The following CACNA1H variants were observed in gnomAD, a reference collection of about 807,000 sequenced individuals.
CACNA1H encodes the protein voltage-dependent T-type calcium channel subunit alpha-1H.
A neutral mutation model predicts 192.5 loss-of-function variants in CACNA1H; 149 were observed. That is an observed-to-expected ratio of 0.77 (90% CI 0.68 to 0.89). The LOEUF is 0.89. CACNA1H is among the 40% of genes least tolerant of loss of function. The pLI, the probability that CACNA1H is intolerant of heterozygous loss-of-function variation, is 0.00. For synonymous variants in CACNA1H, 2,202 were observed against 1,475.2 expected, an observed-to-expected ratio of 1.49 and a Z score of -11.29; for missense variants, 4,257 against 3,423.5, an observed-to-expected ratio of 1.24 and a Z score of -6.08.
chr16:1,215,210 C>G, intron 28 of CACNA1H, 32 bp from the exon 29 acceptor site: 1 of 1,589,966 alleles, frequency 6.3e-7, no homozygotes, highest in Non-Finnish European at 8.6e-7. Context: ...GCGGGGACCC[C>G]AGACGTGTGC....
At chr16:1,181,960 A>G (rs1434202459) in intron 2 of CACNA1H, among the ~76,000 whole-genome samples, 1 of 149,620 alleles carries the variant, frequency 6.7e-6, no homozygotes, top group African/African-American at 2.5e-5. Flanking sequence ...TCGCACACGC[A>G]TGCCCCCTCG....
At position 1,210,379 on chromosome 16, in the gene CACNA1H, C is replaced by T. The variant is rs370662005; in HGVS notation, c.3855C>T (p.Val1285=). The change falls in exon 19 of 35, where the codon GTC becomes GTT. Residue 1285 remains valine, a synonymous_variant. Transcript: ENST00000348261. ...YLFSPQNRFR[V]SCQKVITHKM... ...GCCCCCGCCCACCCAGGTTCCGCGT[C>T]TCCTGCCAGAAGGTCATCACACACA... The T allele has an allele frequency of 3.5e-6, 5 of 1,417,116 alleles. No individual in the cohort carries two copies. The African/African-American group carries it at 4.3e-5, about 12-fold the overall frequency. The allele number at this position is 1,417,116 out of a possible 1,614,324, so 87.8% of individuals were successfully genotyped here.
intron 2 of CACNA1H, among the ~76,000 whole-genome samples, chr16:1,156,620 C>T (rs1354564189): frequency 2.0e-5 from 3 of 152,126 alleles, no homozygotes; most frequent in Non-Finnish European, 2.9e-5. Context: ...CCCCTCCCTC[C>T]GCAGGGCCCC....
At chr16:1,213,174 C>T (rs905154142) in intron 26 of CACNA1H, among the ~76,000 whole-genome samples, 1 of 152,232 alleles carries the variant, frequency 6.6e-6, no homozygotes, top group Non-Finnish European at 1.5e-5. Flanking sequence ...CCCATGGCCC[C>T]TTGGAGGATG....
Position 1,202,410 on chromosome 16 carries a change from C to T in CACNA1H, c.1960C>T (p.Pro654Ser), listed in dbSNP as rs758845819. ...GGHGPLSLNS[P>S]DPYEKIPHVV... ...GCACGGCCCGTTGAGCTTGAACAGC[C>T]CTGATCCCTACGAGAAGATCCCGCA... The change falls in exon 9 of 35, where the codon CCT becomes TCT. Residue 654 changes from proline to serine, a missense_variant. By Grantham distance (74) the Pro-to-Ser change is moderately conservative. Coordinates refer to ENST00000348261, the MANE Select transcript of CACNA1H (RefSeq NM_021098.3). 9 of 1,529,022 alleles carry T rather than the reference C, an allele frequency of 5.9e-6. No homozygotes were observed. The highest frequency in any genetic ancestry group is 1.4e-5 in the African/African-American group (1 of 72,694). 94.7% of individuals were successfully genotyped at this position (1,529,022 alleles called of 1,614,324 possible).
rs1232614013 is a variant in CACNA1H at position 1,200,776 on chromosome 16, T to A, written c.1180T>A (p.Tyr394Asn). Residue 394 changes from tyrosine (Y) to asparagine (N), a missense_variant, in exon 8 of 35, where the codon TAC (tyrosine) becomes AAC (asparagine). Coordinates refer to ENST00000348261, the MANE Select transcript of CACNA1H (RefSeq NM_021098.3). Reference protein sequence around the residue: ...MYYVMDAHSFYNFIYFILLII... With the variant: ...MYYVMDAHSFNNFIYFILLII... ...CTACGTCATGGACGCCCACTCATTC[T>A]ACAACTTCATCTATTTCATCCTGCT... 1 of 1,553,924 alleles carries A rather than the reference T, an allele frequency of 6.4e-7. No homozygotes were observed. The highest frequency in any genetic ancestry group is 1.4e-5 in the African/African-American group (1 of 73,254).
intron 2 of CACNA1H, among the ~76,000 whole-genome samples, chr16:1,179,520 C>T (rs992496998): frequency 6.6e-6 from 1 of 151,690 alleles, no homozygotes; most frequent in Admixed American, 6.6e-5. Flanking sequence ...TCTCCGCCTC[C>T]CGGGTTCAAG....
At chr16:1,210,341 C>A (rs745541481) in intron 18 of CACNA1H, 29 bp from the exon 19 acceptor site, 7 of 1,000,340 alleles carry the variant, frequency 7.0e-6, no homozygotes, top group African/African-American at 1.6e-5. Flanking sequence ...CCGCCCCGCC[C>A]CACCTCTCAC....
intron 2 of CACNA1H, among the ~76,000 whole-genome samples, chr16:1,161,976 C>T (rs1458149989): frequency 2.0e-5 from 3 of 152,120 alleles, no homozygotes; most frequent in African/African-American, 4.8e-5. Context: ...GGCTGTGTCC[C>T]GTGAAGTCTG....
intron 15 of CACNA1H, 61 bp downstream of exon 15, chr16:1,207,921 C>CA: frequency 6.5e-7 from 1 of 1,541,266 alleles, no homozygotes; most frequent in Non-Finnish European, 8.8e-7. Flanking sequence ...GCTGGCCGGG[C>CA]AGGGCCCCCA....
intron 2 of CACNA1H, among the ~76,000 whole-genome samples, chr16:1,159,320 G>A (rs2151638683): frequency 6.6e-6 from 1 of 152,304 alleles, no homozygotes; most frequent in African/African-American, 2.4e-5. Flanking sequence ...AGCCTGTGCG[G>A]GAGGAGGCGT....
At chr16:1,213,063 C>A (rs1969645925) in intron 26 of CACNA1H, among the ~76,000 whole-genome samples, 1 of 152,190 alleles carries the variant, frequency 6.6e-6, no homozygotes, top group South Asian at 2.1e-4. Flanking sequence ...GTGGAGGGGC[C>A]CTGGAGGCTG....
chr16:1,215,201 CG>C, intron 28 of CACNA1H, 40 bp from the exon 29 acceptor site: 2 of 1,586,086 alleles, frequency 1.3e-6, no homozygotes, highest in Non-Finnish European at 1.7e-6. Flanking sequence ...TGAGCCGAGG[CG>C]GGGACCCCAG....
In CACNA1H at chr16:1,182,181, C is replaced by T. The variant is rs9937950; in HGVS notation, c.300-12791C>T. Among the ~76,000 whole-genome samples, 822 of 152,272 alleles carry T rather than the reference C, an allele frequency of 5.4e-3. 7 individuals are homozygous for T. The highest frequency in any genetic ancestry group is 0.017 in the African/African-American group (721 of 41,552). On this transcript the variant is annotated intron_variant, in intron 2 of 34. Coordinates refer to ENST00000348261, the MANE Select transcript of CACNA1H (RefSeq NM_021098.3). ...GGTGATGTGATTGTTTTGGCCCCTC[C>T]GGTGGGTGGCAGGTGGGAGGCTCTG...
chr16:1,179,151 T>C (rs149950829), intron 2 of CACNA1H, among the ~76,000 whole-genome samples: 74 of 152,316 alleles, frequency 4.9e-4, no homozygotes, highest in Non-Finnish European at 3.2e-4. Context: ...GAGCCACCCC[T>C]GGCTGGGCCT....
intron 2 of CACNA1H, among the ~76,000 whole-genome samples, chr16:1,193,901 G>T (rs1966825800): frequency 6.6e-6 from 1 of 152,118 alleles, no homozygotes; most frequent in Non-Finnish European, 1.5e-5. Flanking sequence ...TCCTACCGTG[G>T]CAGCTGCCCT....
chr16:1,165,055 G>A (rs565802972), intron 2 of CACNA1H, among the ~76,000 whole-genome samples: 1 of 152,282 alleles, frequency 6.6e-6, no homozygotes, highest in South Asian at 2.1e-4. Flanking sequence ...GGTGGGAACA[G>A]TGGCGCTCAC....
rs1254934669 is a variant in CACNA1H, at chr16:1,218,458, G to A, written c.5694G>A (p.Arg1898=). The A allele has an allele frequency of 6.4e-7, 1 of 1,551,498 alleles. No homozygotes were observed. The highest frequency in any genetic ancestry group is 8.7e-7 in the Non-Finnish European group (1 of 1,147,860). Residue 1898 remains arginine, a synonymous_variant, in exon 33 of 35, where the codon AGG becomes AGA. Transcript: ENST00000348261. ...PGSARRVDAD[R]PPLPQESPGA... ...GTGCACGCCGGGTGGACGCGGACAG[G>A]CCTCCCTTGCCCCAGGAGAGTCCGG...
intron 2 of CACNA1H, among the ~76,000 whole-genome samples, chr16:1,189,883 C>T (rs928237527): frequency 2.6e-5 from 4 of 152,220 alleles, no homozygotes; most frequent in African/African-American, 9.6e-5. Flanking sequence ...GCCCCTGGCT[C>T]GTGAGCCCAG....
Sources: allele counts gnomAD v4.1 joint callset (sites outside exome capture counted in the v4.1 genomes callset), GRCh38; gene constraint gnomAD v4.1.1; transcripts MANE v1.5; gene names NCBI Gene and HGNC (gene_info 2026-07-23, HGNC 2026-07-21).